Variants in MYO9A observed in about 807,000 individuals in gnomAD.
MYO9A encodes the protein myosin IXA.
A neutral mutation model predicts 293.3 loss-of-function variants in MYO9A; 103 were observed. The observed-to-expected ratio is 0.35, with a 90% CI of 0.30 to 0.41. The LOEUF (loss-of-function observed/expected upper bound fraction) is 0.41. Ranked by LOEUF, MYO9A falls within the 10% of genes least tolerant of loss-of-function variation. The pLI, the probability that MYO9A is intolerant of heterozygous loss-of-function variation, is 1.00. For synonymous variants in MYO9A, 1,001 were observed against 1,035.7 expected (o/e 0.97, Z 0.64); for missense variants, 2,685 against 3,033.0 (o/e 0.89, Z 2.69).
At chr15:72,009,026 A>G (rs1003784153) in intron 7 of MYO9A, among the ~76,000 whole-genome samples, 1 of 152,222 alleles carries the variant, frequency 6.6e-6, no homozygotes, top group Admixed American at 6.5e-5. Flanking sequence ...CAAATAATTT[A>G]AAGTTTTTAA....
At chr15:72,026,986 G>A (rs35136885) in intron 4 of MYO9A, among the ~76,000 whole-genome samples, 2,142 of 152,226 alleles carry the variant, frequency 0.014, 22 homozygotes, top group East Asian at 0.028. Context: ...GAACCAGATG[G>A]CTTTGCTGGT....
At chr15:72,103,429 CAGCAGCAGAAGCAGA>C (rs2080450629) in intron 1 of MYO9A, among the ~76,000 whole-genome samples, 2 of 146,364 alleles carry the variant, frequency 1.4e-5, no homozygotes, top group South Asian at 4.4e-4. Flanking sequence ...GCAGAAGCAG[CAGCAGCAGAAGCAGA>C]AGCAGCAGCA....
chr15:71,915,875 T>C (rs1036001818), intron 19 of MYO9A, among the ~76,000 whole-genome samples: 1 of 152,090 alleles, frequency 6.6e-6, no homozygotes, highest in Non-Finnish European at 1.5e-5. Context: ...AAAAAATTAT[T>C]CTGGAAGAAA....
intron 13 of MYO9A, among the ~76,000 whole-genome samples, chr15:71,965,484 G>A (rs1567326131): frequency 6.6e-6 from 1 of 152,114 alleles, no homozygotes; most frequent in Non-Finnish European, 1.5e-5. Context: ...AGTGGCTCAT[G>A]CCTGTAATCC....
At chr15:71,975,470 C>A (rs1033125862) in intron 12 of MYO9A, among the ~76,000 whole-genome samples, 1 of 148,202 alleles carries the variant, frequency 6.7e-6, no homozygotes, top group Non-Finnish European at 1.5e-5. Flanking sequence ...CTACCACAGC[C>A]CTTGGTGTAG....
At chr15:71,876,385 G>A (rs930266371) in intron 31 of MYO9A, among the ~76,000 whole-genome samples, 1 of 144,838 alleles carries the variant, frequency 6.9e-6, no homozygotes, top group African/African-American at 2.6e-5. Flanking sequence ...GCCTCCCAAA[G>A]TGCTGGGATT....
chr15:71,900,962 C>T (rs1325111763), intron 23 of MYO9A, among the ~76,000 whole-genome samples: 2 of 152,144 alleles, frequency 1.3e-5, no homozygotes, highest in Non-Finnish European at 2.9e-5. Context: ...GACATTATAA[C>T]TACAAATTCA....
chr15:71,997,653 C>T (rs1171996129), intron 9 of MYO9A, among the ~76,000 whole-genome samples: 1 of 151,436 alleles, frequency 6.6e-6, no homozygotes, highest in East Asian at 1.9e-4. Flanking sequence ...GTAGGGAATA[C>T]AAAATAATCT....
rs758183669 is a variant in MYO9A, at chr15:71,854,329, C to A, written c.6346+48G>T. 2.3e-6 allele frequency: 3 copies of A among 1,313,578 alleles called. No homozygotes were observed. In the East Asian group the frequency reaches 8.0e-5, roughly 35 times the overall value. The allele number at this position is 1,313,578 out of a possible 1,614,324, so 81.4% of individuals were successfully genotyped here. ...GAAAACTTTAAGAGCATGAAAGGAA[C>A]TATTTAAATAAAAGTATTTCATTAT... On this transcript the variant is annotated intron_variant, in intron 35 of 41. Transcript: ENST00000356056.
chr15:71,878,256 T>C (rs755742734), intron 30 of MYO9A, 25 bp from the exon 31 acceptor site: 1 of 1,460,804 alleles, frequency 6.8e-7, no homozygotes, highest in Non-Finnish European at 9.1e-7. Context: ...AAAAGAAATG[T>C]ATGGTTTTAT....
chr15:71,956,598 A>G (rs187490580), intron 14 of MYO9A, among the ~76,000 whole-genome samples: 8 of 150,152 alleles, frequency 5.3e-5, no homozygotes, highest in Non-Finnish European at 1.2e-4. Context: ...GTGAGCCAAG[A>G]TTGCACCACT....
At chr15:71,932,872 T>C (rs957937894) in intron 18 of MYO9A, among the ~76,000 whole-genome samples, 55 of 152,276 alleles carry the variant, frequency 3.6e-4, no homozygotes, top group African/African-American at 1.3e-3. Flanking sequence ...TATATGGATA[T>C]ACCACAGTGT....
chr15:71,970,016 G>C (rs1196624266), intron 12 of MYO9A, among the ~76,000 whole-genome samples: 1 of 152,272 alleles, frequency 6.6e-6, no homozygotes, highest in Admixed American at 6.5e-5. Flanking sequence ...TATTTACAAA[G>C]TCCCAAGGTA....
intron 13 of MYO9A, among the ~76,000 whole-genome samples, chr15:71,964,490 T>C (rs1206989268): frequency 6.6e-6 from 1 of 151,158 alleles, no homozygotes; most frequent in Non-Finnish European, 1.5e-5. Flanking sequence ...CTACCAAAAA[T>C]ACAAAAACTG....
chr15:71,968,142 A>G lies in MYO9A; in HGVS notation c.1845-17T>C. The G allele has an allele frequency of 1.3e-6, 2 of 1,542,912 alleles. No homozygotes were observed. On this transcript the variant is annotated splice_polypyrimidine_tract_variant and intron_variant, in intron 12 of 41. Transcript: ENST00000356056. ...TGTGGAAAGCTGAATTAAAAAAAAA[A>G]GAAAAAATATCATTACAGAAAGATG...
chr15:71,903,848 C>G, intron 21 of MYO9A, 81 bp downstream of exon 21: 1 of 1,222,190 alleles, frequency 8.2e-7, no homozygotes, highest in Admixed American at 2.2e-5. Flanking sequence ...TAAGTAAGCC[C>G]CAAAGAAATA....
At chr15:71,987,374 T>C (rs1281794395) in intron 11 of MYO9A, among the ~76,000 whole-genome samples, 2 of 152,226 alleles carry the variant, frequency 1.3e-5, no homozygotes, top group East Asian at 3.8e-4. Flanking sequence ...TTCAAATAGC[T>C]TCTCATTGTC....
At chr15:71,987,255 T>A (rs756432427) in intron 11 of MYO9A, among the ~76,000 whole-genome samples, 1 of 152,142 alleles carries the variant, frequency 6.6e-6, no homozygotes, top group Non-Finnish European at 1.5e-5. Context: ...TCAGAACATA[T>A]CCTCATCATT....
chr15:72,075,028 G>A (rs1322777844), intron 1 of MYO9A, among the ~76,000 whole-genome samples: 9 of 125,990 alleles, frequency 7.1e-5, no homozygotes, highest in African/African-American at 2.4e-4. Context: ...GCAATGGCAC[G>A]ATCTCAGCTC....
Sources: gnomAD v4.1 joint callset for allele counts (sites outside exome capture counted in the v4.1 genomes callset) on GRCh38, gnomAD v4.1.1 for gene constraint, MANE v1.5 for transcripts, NCBI Gene and HGNC (gene_info 2026-07-23, HGNC 2026-07-21) for gene names.